Variants in PRUNE2 observed in about 807,000 individuals in gnomAD.
PRUNE2 encodes the protein prune homolog 2 with BCH domain, also known as protein prune homolog 2.
In PRUNE2, 164 loss-of-function variants were observed where a neutral mutation model predicts 252.0. The ratio of observed to expected loss-of-function variants is 0.65; its 90% CI spans 0.57 to 0.74. PRUNE2 has a LOEUF of 0.74. Ranked by LOEUF, PRUNE2 falls within the 30% of genes least tolerant of loss-of-function variation. The probability of loss-of-function intolerance (pLI) is 0.00; values close to 1 mark genes in which losing one functional copy is unlikely to be tolerated. For missense variants in PRUNE2, 3,495 were observed against 3,711.0 expected (o/e 0.94, Z 1.51); for synonymous variants, 1,292 against 1,350.2 (o/e 0.96, Z 0.94).
chr9:76,887,169 T>C (rs1475441575), intron 1 of PRUNE2, among the ~76,000 whole-genome samples: 3 of 152,108 alleles, frequency 2.0e-5, no homozygotes, highest in Non-Finnish European at 4.4e-5. Context: ...CTAAAGGAAT[T>C]CACCTAGCTT....
At chr9:76,667,172 C>A (rs1483682254) in intron 9 of PRUNE2, among the ~76,000 whole-genome samples, 1 of 152,176 alleles carries the variant, frequency 6.6e-6, no homozygotes, top group African/African-American at 2.4e-5. Context: ...TCACTGTGAA[C>A]CCAATTAGGC....
chr9:76,843,761 C>CCTTG (rs2059526868), intron 4 of PRUNE2, among the ~76,000 whole-genome samples: 1 of 146,268 alleles, frequency 6.8e-6, no homozygotes, highest in Non-Finnish European at 1.5e-5. Flanking sequence ...GGAGTTTCAC[C>CCTTG]CTTGTGCCTC....
At chr9:76,652,106 C>CTT (rs772953322) in intron 11 of PRUNE2, 4 of 164,062 alleles carry the variant, frequency 2.4e-5, no homozygotes, top group Non-Finnish European at 5.3e-5. Context: ...ATAGTGGGAA[C>CTT]TTATACAAGA....
At chr9:76,776,789 A>G (rs2053817452) in intron 6 of PRUNE2, among the ~76,000 whole-genome samples, 1 of 151,520 alleles carries the variant, frequency 6.6e-6, no homozygotes, top group South Asian at 2.1e-4. Flanking sequence ...TGCTGGGATT[A>G]AAAGTTATGA....
At chr9:76,843,449 T>C (rs1261538876) in intron 4 of PRUNE2, among the ~76,000 whole-genome samples, 2 of 152,226 alleles carry the variant, frequency 1.3e-5, no homozygotes, top group Non-Finnish European at 2.9e-5. Flanking sequence ...TCTGCACATG[T>C]ATCCCAGAAC....
At position 76,705,464 on chromosome 9, in the gene PRUNE2, A is replaced by G. The variant is rs1255488769; in HGVS notation, c.6810T>C (p.Asp2270=). ...CAGGATTCTCTGTGGATAAATGTGG[A>G]TCACCATCAAACAAAGCTCTTGCAC... ...QPGARALFDG[D]PHLSTENPAL... Residue 2270 remains aspartate, a synonymous_variant, in exon 8 of 19, where the codon GAT becomes GAC. Coordinates refer to ENST00000376718, the MANE Select transcript of PRUNE2 (RefSeq NM_015225.3). 1.2e-6 allele frequency: 2 copies of G among 1,613,832 alleles called. No homozygotes were observed. Among genetic ancestry groups the G allele is most frequent in the African/African-American group, 1.3e-5 (1 of 74,938 alleles).
At position 76,705,929 on chromosome 9, in the gene PRUNE2, T is replaced by A. The variant is rs368117330; in HGVS notation, c.6345A>T (p.Gln2115His). Reference sequence around the variant, plus strand: ...AAGCACTGAGGTGCTTCTCAGTCTCTTGCTTTGCTTCAGAATCGTGACATA... The same window carrying A: ...AAGCACTGAGGTGCTTCTCAGTCTCATGCTTTGCTTCAGAATCGTGACATA... ...PDICHDSEAK[Q>H]ETEKHLSACM... is the part of the protein sequence containing the mutation. Residue 2115 changes from glutamine (Q) to histidine (H), a missense_variant, in exon 8 of 19, where the codon CAA (glutamine) becomes CAT (histidine). Physicochemically the swap from Gln to His is conservative, Grantham distance 24. Transcript: ENST00000376718. 6.2e-7 allele frequency: 1 copy of A among 1,614,032 alleles called. No individual in the cohort carries two copies. The highest frequency in any genetic ancestry group is 1.1e-5 in the South Asian group (1 of 91,084).
At chr9:76,815,494 C>T (rs997115740) in intron 6 of PRUNE2, among the ~76,000 whole-genome samples, 2 of 152,006 alleles carry the variant, frequency 1.3e-5, no homozygotes, top group South Asian at 4.2e-4. Context: ...CATGTCCCCG[C>T]AAGCCGTTTT....
At chr9:76,632,303 T>C (rs1480375939) in intron 15 of PRUNE2, among the ~76,000 whole-genome samples, 2 of 152,248 alleles carry the variant, frequency 1.3e-5, no homozygotes, top group African/African-American at 4.8e-5. Context: ...AGAAGACCTA[T>C]AATACATTTT....
intron 8 of PRUNE2, 59 bp from the exon 9 acceptor site, chr9:76,704,158 G>C: frequency 8.4e-7 from 1 of 1,183,720 alleles, no homozygotes; most frequent in Non-Finnish European, 1.2e-6. Flanking sequence ...CACATTGTGT[G>C]ATTTGTGATC....
chr9:76,682,355 C>T (rs2043547705), intron 9 of PRUNE2, among the ~76,000 whole-genome samples: 1 of 131,994 alleles, frequency 7.6e-6, no homozygotes, highest in Admixed American at 9.4e-5. Context: ...TGGATGATCA[C>T]TATTAACTTT....
chr9:76,896,853 G>A (rs2062853431), intron 1 of PRUNE2, among the ~76,000 whole-genome samples: 1 of 152,124 alleles, frequency 6.6e-6, no homozygotes, highest in African/African-American at 2.4e-5. Context: ...AAATAACCTT[G>A]GTGGCAAATA....
At chr9:76,789,454 C>T (rs1015053870) in intron 6 of PRUNE2, among the ~76,000 whole-genome samples, 3 of 152,204 alleles carry the variant, frequency 2.0e-5, no homozygotes, top group Non-Finnish European at 4.4e-5. Flanking sequence ...AGGAATCACA[C>T]CTTCTTTCCA....
At position 76,707,545 on chromosome 9, in the gene PRUNE2, T is replaced by C. The variant is rs1428134462; in HGVS notation, c.4729A>G (p.Ser1577Gly). The part of the protein sequence containing the change: ...GYQEENQGNW[S>G]EQNHQESELI... The stretch of plus-strand genomic sequence containing the variant: ...TCAGATTCTTGGTGATTCTGTTCAC[T>C]CCAGTTGCCTTGGTTTTCTTCTTGA... The change falls in exon 8 of 19, where the codon AGT becomes GGT. Residue 1577 changes from serine to glycine, a missense_variant. Ser to Gly is a moderately conservative substitution (Grantham distance 56). Transcript: ENST00000376718. The C allele has an allele frequency of 6.2e-7, 1 of 1,614,034 alleles. No homozygotes were observed. The highest frequency in any genetic ancestry group is 2.2e-5 in the East Asian group (1 of 44,888).
At chr9:76,626,694 T>A (rs1834928370) in intron 16 of PRUNE2, among the ~76,000 whole-genome samples, 1 of 152,184 alleles carries the variant, frequency 6.6e-6, no homozygotes, top group African/African-American at 2.4e-5. Flanking sequence ...ATGGAGAGTC[T>A]CTAAAAGCAA....
In PRUNE2 at chr9:76,613,309, A is replaced by G. The variant is rs147841749; in HGVS notation, c.*1261T>C. On this transcript the variant is annotated 3_prime_UTR_variant, in exon 19 of 19. Transcript: ENST00000376718. ...CAAACTTTTTCTGTAAACATAGTCA[A>G]TGTTTTAGGCATTGTGGGACATACG... is the stretch of plus-strand genomic sequence containing the variant. 3 of 152,324 alleles carry G rather than the reference A, an allele frequency of 2.0e-5. No individual in the cohort carries two copies. Among genetic ancestry groups the G allele is most frequent in the East Asian group, 1.9e-4 (1 of 5,186 alleles). The allele number at this position is 152,324 out of a possible 1,614,324, so 9.4% of individuals were successfully genotyped here. A position where few individuals can be genotyped will look rare whatever the true frequency, so the allele number is the denominator to read the frequency against.
In PRUNE2 at chr9:76,872,418, A is replaced by G. The variant is rs560884684; in HGVS notation, c.37-18210T>C. Among the ~76,000 whole-genome samples the G allele has an allele frequency of 1.1e-3, 167 of 152,320 alleles. 2 individuals are homozygous for G. Among genetic ancestry groups the G allele is most frequent in the African/African-American group, 3.6e-3 (151 of 41,562 alleles). On this transcript the variant is annotated intron_variant, in intron 1 of 18. Coordinates refer to ENST00000376718, the MANE Select transcript of PRUNE2 (RefSeq NM_015225.3). ...TCATGGAAGAACAATGTGGGGGCGC[A>G]GTGGACAGGAGCCATTAATTGCCCT...
chr9:76,894,906 A>C (rs1244993264), intron 1 of PRUNE2, among the ~76,000 whole-genome samples: 1 of 152,080 alleles, frequency 6.6e-6, no homozygotes, highest in Non-Finnish European at 1.5e-5. Flanking sequence ...CTTGCCTGTA[A>C]TCCCAGCTAC....
At chr9:76,713,458 G>T in intron 7 of PRUNE2, 105 bp downstream of exon 7, 4 of 832,922 alleles carry the variant, frequency 4.8e-6, no homozygotes, top group Non-Finnish European at 6.9e-6. Flanking sequence ...TACCTCTTGG[G>T]CTAATTGCTC....
Sources: allele counts gnomAD v4.1 joint callset (sites outside exome capture counted in the v4.1 genomes callset), GRCh38; gene constraint gnomAD v4.1.1; transcripts MANE v1.5; gene names NCBI Gene and HGNC (gene_info 2026-07-23, HGNC 2026-07-21).